ASXL2: variants seen among roughly 807,000 people sequenced by gnomAD.
ASXL2 encodes the protein putative Polycomb group protein ASXL2.
A neutral mutation model predicts 122.0 loss-of-function variants in ASXL2; 23 were observed. The ratio of observed to expected loss-of-function variants is 0.19; its 90% CI spans 0.14 to 0.27. ASXL2 has a LOEUF of 0.27. Among genes scored for constraint, ASXL2 ranks in the 10% least tolerant of loss-of-function variants. The pLI, the probability that ASXL2 is intolerant of heterozygous loss-of-function variation, is 1.00. For synonymous variants in ASXL2, 650 were observed against 637.0 expected, an observed-to-expected ratio of 1.02 and a Z score of -0.31; for missense variants, 1,518 against 1,713.8, an observed-to-expected ratio of 0.89 and a Z score of 2.02.
intron 8 of ASXL2, among the ~76,000 whole-genome samples, chr2:25,763,489 TAAA>T (rs111512688): frequency 7.2e-6 from 1 of 138,780 alleles, no homozygotes. Context: ...GACTCCATGT[TAAA>T]AAAAAAAAAA....
chr2:25,745,327 G>C (rs7564262), intron 12 of ASXL2, among the ~76,000 whole-genome samples: 48,624 of 150,316 alleles, frequency 0.32, 8,400 homozygotes, highest in African/African-American at 0.42. Context: ...ATTCTTGTGC[G>C]TCTGCCACCC....
Position 25,742,922 on chromosome 2 carries a change from T to C in ASXL2, c.3415A>G (p.Arg1139Gly). The change falls in exon 13 of 13, where the codon AGG (arginine) becomes GGG (glycine). Residue 1139 changes from arginine (R) to glycine (G), a missense_variant. Physicochemically the swap from Arg to Gly is moderately radical, Grantham distance 125. Transcript: ENST00000435504. ...TCAGGGTTTACAGAATGGGTCCTCC[T>C]AAAGCTCTCTGAGCCCCGGCCGTAG... ...STYGRGSESFRRTHSVNPEDR... is the reference protein window; with the variant it reads ...STYGRGSESFGRTHSVNPEDR... 1.2e-6 allele frequency: 2 copies of C among 1,613,978 alleles called. No individual in the cohort carries two copies. The highest frequency in any genetic ancestry group is 1.7e-6 in the Non-Finnish European group (2 of 1,179,880).
chr2:25,823,728 CTTT>C lies in ASXL2; in HGVS notation c.143+11807_143+11809del, dbSNP rs35822311. On this transcript the variant is annotated intron_variant, in intron 3 of 12. Transcript: ENST00000435504. ...GTTTAATACAGTATTGGATTTCTTT[CTTT>C]TTTTTTTTTTCAGCTTATACCAGGG... 1.5e-4 allele frequency among the ~76,000 whole-genome samples: 21 copies of C among 143,452 alleles called. 1 individual carries two copies. In the East Asian group the frequency reaches 3.3e-3, roughly 23 times the overall value. The allele number at this position is 143,452 out of a possible 152,430, so 94.1% of individuals were successfully genotyped here.
intron 5 of ASXL2, among the ~76,000 whole-genome samples, chr2:25,794,890 C>T (rs1293849312): frequency 1.3e-5 from 2 of 152,174 alleles, no homozygotes; most frequent in Admixed American, 6.5e-5. Flanking sequence ...AACTGCTTTG[C>T]TGTATACTCA....
intron 10 of ASXL2, 72 bp from the exon 11 acceptor site, chr2:25,753,711 G>GA: frequency 8.5e-7 from 1 of 1,173,522 alleles, no homozygotes; most frequent in Non-Finnish European, 1.2e-6. Context: ...TATAAATCAT[G>GA]AAAGACTCAC....
At chr2:25,840,874 T>C (rs2089571047) in intron 2 of ASXL2, among the ~76,000 whole-genome samples, 1 of 151,992 alleles carries the variant, frequency 6.6e-6, no homozygotes, top group African/African-American at 2.4e-5. Context: ...AAAGGAAAAA[T>C]ATAAAGGGAG....
chr2:25,830,410 T>C (rs910141659), intron 3 of ASXL2, among the ~76,000 whole-genome samples: 1 of 152,116 alleles, frequency 6.6e-6, no homozygotes, highest in Non-Finnish European at 1.5e-5. Flanking sequence ...GACAGGTATA[T>C]CACCTGAGGT....
intron 3 of ASXL2, among the ~76,000 whole-genome samples, chr2:25,824,781 G>A (rs1159664089): frequency 6.6e-6 from 1 of 151,984 alleles, no homozygotes; most frequent in African/African-American, 2.4e-5. Context: ...AAAATTAACT[G>A]GTAACTTTTC....
At chr2:25,849,189 G>A (rs1574447366) in intron 1 of ASXL2, among the ~76,000 whole-genome samples, 2 of 149,604 alleles carry the variant, frequency 1.3e-5, no homozygotes, top group South Asian at 4.2e-4. Context: ...TGTAATCCCA[G>A]CACTTTGGGA....
intron 3 of ASXL2, among the ~76,000 whole-genome samples, chr2:25,807,788 T>C (rs1317878006): frequency 1.3e-5 from 2 of 152,092 alleles, no homozygotes; most frequent in Non-Finnish European, 2.9e-5. Context: ...ATCATTTATG[T>C]TTAGTATGAA....
At chr2:25,830,145 C>A (rs1020723357) in intron 3 of ASXL2, among the ~76,000 whole-genome samples, 15 of 152,222 alleles carry the variant, frequency 9.9e-5, no homozygotes, top group African/African-American at 3.6e-4. Flanking sequence ...TTATTGGAAC[C>A]ACAATCCACT....
At chr2:25,871,746 C>T (rs2089963690) in intron 1 of ASXL2, among the ~76,000 whole-genome samples, 1 of 152,164 alleles carries the variant, frequency 6.6e-6, no homozygotes, top group African/African-American at 2.4e-5. Context: ...CATGCGCCAC[C>T]CACACCTGGC....
chr2:25,782,957 A>G (rs979480752), intron 5 of ASXL2, among the ~76,000 whole-genome samples: 3 of 151,976 alleles, frequency 2.0e-5, no homozygotes, highest in South Asian at 4.1e-4. Context: ...GTGAAACCCC[A>G]TATCTACTAA....
At chr2:25,823,387 C>T (rs1175744964) in intron 3 of ASXL2, among the ~76,000 whole-genome samples, 1 of 152,130 alleles carries the variant, frequency 6.6e-6, no homozygotes, top group Admixed American at 6.5e-5. Context: ...TGGCTGACAC[C>T]TTACTGGTAA....
At chr2:25,858,799 A>G (rs149671536) in intron 1 of ASXL2, among the ~76,000 whole-genome samples, 85 of 151,696 alleles carry the variant, frequency 5.6e-4, no homozygotes, top group African/African-American at 2.0e-3. Flanking sequence ...AAGTGAACGT[A>G]AGTAGAAATC....
chr2:25,846,199 TAAAGG>T, intron 1 of ASXL2, among the ~76,000 whole-genome samples: 2 of 152,350 alleles, frequency 1.3e-5, no homozygotes, highest in East Asian at 3.9e-4. Flanking sequence ...AGGGCATTTC[TAAAGG>T]TTGGATAGAG....
rs557899852 is a variant in ASXL2, at chr2:25,782,866, G to A, written c.404-11326C>T. On this transcript the variant is annotated intron_variant, in intron 5 of 12. Transcript: ENST00000435504. ...ATTCTGGCTGGGCATGGTGGCTCAC[G>A]CCTGTAACCCCAGCACTTTGGGAAG... Among the ~76,000 whole-genome samples the A allele has an allele frequency of 2.1e-4, 32 of 152,180 alleles. 1 individual carries two copies. The highest frequency in any genetic ancestry group is 6.7e-4 in the African/African-American group (28 of 41,534).
intron 5 of ASXL2, among the ~76,000 whole-genome samples, chr2:25,773,168 G>A (rs935864278): frequency 4.0e-5 from 6 of 149,498 alleles, no homozygotes; most frequent in Middle Eastern, 3.6e-3. Context: ...AGATCGCACC[G>A]TTGCACTCCA....
chr2:25,852,778 T>C (rs1010512432), intron 1 of ASXL2, among the ~76,000 whole-genome samples: 7 of 152,208 alleles, frequency 4.6e-5, no homozygotes, highest in African/African-American at 1.4e-4. Flanking sequence ...AAGGTTTAGG[T>C]GGTCAACAAT....
Sources: gnomAD v4.1 joint callset for allele counts (sites outside exome capture counted in the v4.1 genomes callset) on GRCh38, gnomAD v4.1.1 for gene constraint, MANE v1.5 for transcripts, NCBI Gene and HGNC (gene_info 2026-07-23, HGNC 2026-07-21) for gene names.